The following GPHN variants were observed in gnomAD, a reference collection of about 807,000 sequenced individuals.
GPHN encodes gephyrin.
GPHN carries 17 observed loss-of-function variants against 95.5 expected under a neutral mutation model. The observed-to-expected ratio is 0.18, with a 90% confidence interval of 0.12 to 0.27. GPHN has a LOEUF of 0.27. Among genes scored for constraint, GPHN ranks in the 10% least tolerant of loss-of-function variants. The pLI is 1.00. For synonymous variants in GPHN, 320 were observed against 322.5 expected, an observed-to-expected ratio of 0.99 and a Z score of 0.08; for missense variants, 660 against 978.1, an observed-to-expected ratio of 0.67 and a Z score of 4.34.
intron 1 of GPHN, among the ~76,000 whole-genome samples, chr14:66,608,777 G>A (rs961883170): frequency 6.6e-6 from 1 of 152,078 alleles, no homozygotes; most frequent in Non-Finnish European, 1.5e-5. Flanking sequence ...TCAGTTTAAA[G>A]TCTGCCTTAT....
chr14:67,540,617 C>T, the GPHN span, among the ~76,000 whole-genome samples: 1 of 145,256 alleles, frequency 6.9e-6, no homozygotes, highest in South Asian at 2.2e-4. Context: ...CAAAGTGAGA[C>T]TCTCCCTCAA....
intron 1 of GPHN, among the ~76,000 whole-genome samples, chr14:66,631,134 C>T (rs1484785201): frequency 2.0e-5 from 3 of 151,956 alleles, no homozygotes; most frequent in Admixed American, 2.0e-4. Flanking sequence ...CTGTAACCTC[C>T]ACCTCTTGGG....
At chr14:66,793,212 A>G (rs1192641883) in intron 3 of GPHN, among the ~76,000 whole-genome samples, 1 of 152,268 alleles carries the variant, frequency 6.6e-6, no homozygotes. Flanking sequence ...TAATTGTACA[A>G]TTATAGAAGA....
chr14:67,535,736 C>T, the GPHN span, among the ~76,000 whole-genome samples: 4 of 152,102 alleles, frequency 2.6e-5, no homozygotes, highest in Non-Finnish European at 5.9e-5. Context: ...TATTGGTTTG[C>T]CTTTGTTTGC....
At chr14:66,908,729 C>T (rs1023470529) in intron 5 of GPHN, among the ~76,000 whole-genome samples, 3 of 151,914 alleles carry the variant, frequency 2.0e-5, no homozygotes, top group Non-Finnish European at 4.4e-5. Context: ...ATAGCATATA[C>T]CTGTGATATG....
intron 3 of GPHN, among the ~76,000 whole-genome samples, chr14:66,807,089 A>G (rs146834849): frequency 0.024 from 3,680 of 152,310 alleles, 67 homozygotes; most frequent in Non-Finnish European, 0.036. Context: ...CCTCACAATC[A>G]TGGTGGAAGG....
At chr14:67,509,239 C>T in the GPHN span, among the ~76,000 whole-genome samples, 5 of 152,192 alleles carry the variant, frequency 3.3e-5, no homozygotes, top group Non-Finnish European at 5.9e-5. Flanking sequence ...CCTTACTGAA[C>T]ATTCATTGAG....
chr14:67,704,109 T>G, the GPHN span, among the ~76,000 whole-genome samples: 1 of 152,214 alleles, frequency 6.6e-6, no homozygotes, highest in Non-Finnish European at 1.5e-5. Flanking sequence ...TTGTTCCCCT[T>G]GTTTTAAATT....
chr14:67,226,372 G>T, the GPHN span, among the ~76,000 whole-genome samples: 2 of 144,762 alleles, frequency 1.4e-5, no homozygotes, highest in Non-Finnish European at 3.0e-5. Context: ...TTTTTGTTTT[G>T]TTTTTTTGAG....
chr14:67,479,449 A>G, the GPHN span, among the ~76,000 whole-genome samples: 117,259 of 150,062 alleles, frequency 0.78, 47,648 homozygotes, highest in East Asian at 0.91. Flanking sequence ...TGGGTGCAGT[A>G]GCTCATGCCT....
chr14:67,222,279 T>C, the GPHN span, among the ~76,000 whole-genome samples: 6 of 152,290 alleles, frequency 3.9e-5, 1 homozygote, highest in East Asian at 1.9e-4. Context: ...TACTATTTAA[T>C]GTTTTTGTTT....
chr14:67,572,416 C>T, the GPHN span: 3 of 309,596 alleles, frequency 9.7e-6, no homozygotes, highest in Non-Finnish European at 1.2e-5. Flanking sequence ...GGGGCGTGGG[C>T]TGGGGGGGTG....
intron 4 of GPHN, among the ~76,000 whole-genome samples, chr14:66,827,323 T>C (rs1274832910): frequency 6.6e-6 from 1 of 151,434 alleles, no homozygotes; most frequent in Non-Finnish European, 1.5e-5. Context: ...CAGAGGTTTG[T>C]TAGGAATAAC....
At chr14:66,566,913 G>A (rs2060483908) in intron 1 of GPHN, among the ~76,000 whole-genome samples, 1 of 152,172 alleles carries the variant, frequency 6.6e-6, no homozygotes. Context: ...TGTAGATGCT[G>A]ACTGGAAATT....
intron 2 of GPHN, among the ~76,000 whole-genome samples, chr14:66,748,199 T>C (rs547800554): frequency 2.6e-5 from 4 of 152,146 alleles, no homozygotes; most frequent in African/African-American, 9.6e-5. Context: ...CCCCATTACT[T>C]GAGAATGCAA....
chr14:67,348,073 C>A, the GPHN span, among the ~76,000 whole-genome samples: 4 of 151,382 alleles, frequency 2.6e-5, no homozygotes, highest in African/African-American at 9.7e-5. Flanking sequence ...CCATGCCCAG[C>A]TAATTTTTTT....
At chr14:67,145,355 A>T (rs2080840410) in intron 18 of GPHN, among the ~76,000 whole-genome samples, 1 of 152,192 alleles carries the variant, frequency 6.6e-6, no homozygotes, top group African/African-American at 2.4e-5. Flanking sequence ...AACACTTCTC[A>T]ACCTAACCTT....
rs1295270138 is a variant in GPHN, at chr14:67,099,454, AT to A, written c.1238-1401del. Among the ~76,000 whole-genome samples the A allele has an allele frequency of 2.6e-5, 4 of 152,212 alleles. No individual in the cohort carries two copies. The East Asian group carries it at 5.8e-4, about 22-fold the overall frequency. On this transcript the variant is annotated intron_variant, in intron 12 of 22. Transcript: ENST00000478722. ...AAACTTCTTAAACTTTAAAAAAAAA[AT>A]AACCCATGAAAATGGCTTAATAAAA...
At chr14:67,338,030 G>A in the GPHN span, 2 of 152,230 alleles carry the variant, frequency 1.3e-5, no homozygotes, top group Non-Finnish European at 2.9e-5. Context: ...ATCTGAGCAT[G>A]AGAACATGAC....
Sources: allele counts gnomAD v4.1 joint callset (sites outside exome capture counted in the v4.1 genomes callset), GRCh38; gene constraint gnomAD v4.1.1; transcripts MANE v1.5; gene names NCBI Gene and HGNC (gene_info 2026-07-23, HGNC 2026-07-21).